Variants in RMND1 observed in about 807,000 individuals in gnomAD.
RMND1 encodes the protein required for meiotic nuclear division 1 homolog.
A neutral mutation model predicts 54.0 loss-of-function variants in RMND1; 41 were observed. That is an observed-to-expected ratio of 0.76 (90% CI 0.59 to 0.98). The LOEUF (loss-of-function observed/expected upper bound fraction) is 0.98. Among genes scored for constraint, RMND1 ranks in the 50% least tolerant of loss-of-function variants. RMND1 has a pLI of 0.00. For missense variants in RMND1, 457 were observed against 532.0 expected (o/e 0.86, Z 1.39); for synonymous variants, 183 against 181.7 (o/e 1.01, Z -0.06).
chr6:151,443,636 T>C lies in RMND1; in HGVS notation c.504+1672A>G, dbSNP rs111289847. On this transcript the variant is annotated intron_variant, in intron 2 of 11. Coordinates refer to ENST00000444024, the MANE Select transcript of RMND1 (RefSeq NM_017909.4). ...AACATCTGATTTTCTATTATTTCCC[T>C]GTGCTTTCAGAAAGACAGCATGCGA... 8.4e-3 allele frequency among the ~76,000 whole-genome samples: 1,272 copies of C among 152,310 alleles called. 19 individuals carry two copies. Among genetic ancestry groups the C allele is most frequent in the African/African-American group, 0.029 (1,191 of 41,560 alleles).
intron 3 of RMND1, among the ~76,000 whole-genome samples, chr6:151,434,709 T>C (rs1780549497): frequency 6.6e-6 from 1 of 152,234 alleles, no homozygotes; most frequent in African/African-American, 2.4e-5. Context: ...TCAACTATCT[T>C]CTATGGGATT....
chr6:151,417,527 T>C (rs1780041019), intron 9 of RMND1, 128 bp from the exon 10 acceptor site: 1 of 666,526 alleles, frequency 1.5e-6, no homozygotes, highest in African/African-American at 1.8e-5. Flanking sequence ...GGTCTTGCTA[T>C]GTTACCCGGG....
At chr6:151,425,839 G>A (rs897353966) in intron 6 of RMND1, among the ~76,000 whole-genome samples, 12 of 152,222 alleles carry the variant, frequency 7.9e-5, no homozygotes, top group Admixed American at 2.0e-4. Flanking sequence ...ACCGTGACTG[G>A]CCCTATTGGT....
At chr6:151,438,795 CT>C (rs373421938) in intron 2 of RMND1, among the ~76,000 whole-genome samples, 238 of 143,852 alleles carry the variant, frequency 1.7e-3, no homozygotes, top group African/African-American at 2.1e-3. Flanking sequence ...ATGTGTACTA[CT>C]TTTTTTTTTT....
intron 1 of RMND1, among the ~76,000 whole-genome samples, chr6:151,450,226 A>C (rs1582975454): frequency 6.8e-6 from 1 of 146,696 alleles, no homozygotes; most frequent in Non-Finnish European, 1.5e-5. Context: ...CCGGCCGCCC[A>C]TCGTCTGAGA....
At chr6:151,432,504 G>A (rs955835473) in intron 4 of RMND1, among the ~76,000 whole-genome samples, 15 of 149,300 alleles carry the variant, frequency 1.0e-4, no homozygotes, top group Non-Finnish European at 1.6e-4. Context: ...GTTCTGTCAC[G>A]TATTAGTCTC....
intron 10 of RMND1, among the ~76,000 whole-genome samples, chr6:151,410,424 G>T (rs1779794897): frequency 6.6e-6 from 1 of 152,060 alleles, no homozygotes; most frequent in Non-Finnish European, 1.5e-5. Flanking sequence ...CTTTTCTTTT[G>T]TATTATGTAT....
chr6:151,449,304 G>C (rs1288354318), intron 1 of RMND1, among the ~76,000 whole-genome samples: 1 of 151,474 alleles, frequency 6.6e-6, no homozygotes, highest in Admixed American at 6.6e-5. Flanking sequence ...GGGAGGTGGA[G>C]GTTGCAGTGA....
chr6:151,451,043 T>G (rs536984296), intron 1 of RMND1, among the ~76,000 whole-genome samples: 27 of 152,206 alleles, frequency 1.8e-4, no homozygotes, highest in South Asian at 1.4e-3. Flanking sequence ...TAATCTCAAG[T>G]ACCCAGGGAC....
intron 3 of RMND1, among the ~76,000 whole-genome samples, chr6:151,435,840 C>A (rs1407296423): frequency 6.6e-6 from 1 of 150,414 alleles, no homozygotes; most frequent in Non-Finnish European, 1.5e-5. Flanking sequence ...TGTGGTGGCT[C>A]AAACCTGTAA....
chr6:151,425,441 T>TGG (rs1491004612), intron 6 of RMND1, among the ~76,000 whole-genome samples: 1 of 150,360 alleles, frequency 6.7e-6, no homozygotes, highest in Non-Finnish European at 1.5e-5. Context: ...TGTGTGTGTG[T>TGG]GGATAAGCGT....
Position 151,405,313 on chromosome 6 carries a change from G to A in RMND1, c.1318-46C>T, listed in dbSNP as rs748051677. On this transcript the variant is annotated intron_variant, in intron 11 of 11. Transcript: ENST00000444024. Reference sequence around the variant, plus strand: ...TTATTTCATGACGGGCAAATTATGGGTACAAACTAAAATGACTTCCAAGAT... The same window carrying A: ...TTATTTCATGACGGGCAAATTATGGATACAAACTAAAATGACTTCCAAGAT... The A allele has an allele frequency of 3.3e-6, 5 of 1,524,710 alleles. No individual in the cohort carries two copies. The South Asian group carries it at 4.5e-5, about 14-fold the overall frequency. The allele number at this position is 1,524,710 out of a possible 1,614,324, so 94.4% of individuals were successfully genotyped here.
intron 2 of RMND1, among the ~76,000 whole-genome samples, chr6:151,439,377 A>G (rs1243910781): frequency 6.6e-6 from 1 of 152,224 alleles, no homozygotes; most frequent in Non-Finnish European, 1.5e-5. Context: ...TACAGCATAA[A>G]AAGCTTATGC....
chr6:151,411,836 A>G (rs1327461069), intron 10 of RMND1: 1 of 152,208 alleles, frequency 6.6e-6, no homozygotes, highest in Non-Finnish European at 1.5e-5. Context: ...CATTAAAGTA[A>G]CTGGTAGTAT....
intron 2 of RMND1, among the ~76,000 whole-genome samples, chr6:151,443,741 C>T (rs115062799): frequency 0.017 from 2,565 of 152,272 alleles, 70 homozygotes; most frequent in African/African-American, 0.059. Flanking sequence ...CATGAAATAA[C>T]TAACTCCTTA....
At chr6:151,412,160 C>T (rs1779861589) in intron 10 of RMND1, among the ~76,000 whole-genome samples, 1 of 152,120 alleles carries the variant, frequency 6.6e-6, no homozygotes, top group Admixed American at 6.5e-5. Context: ...CACCACCATG[C>T]CCAGCTAATT....
At chr6:151,440,553 T>G (rs1424161208) in intron 2 of RMND1, among the ~76,000 whole-genome samples, 2 of 152,214 alleles carry the variant, frequency 1.3e-5, no homozygotes, top group Non-Finnish European at 2.9e-5. Context: ...TGTTGTAGGT[T>G]TTCCAGACTG....
chr6:151,412,788 C>A (rs1201824913), intron 10 of RMND1, among the ~76,000 whole-genome samples: 2 of 152,100 alleles, frequency 1.3e-5, no homozygotes, highest in African/African-American at 4.8e-5. Context: ...GAAGAGCGAA[C>A]AAGGGGAGAT....
chr6:151,412,242 T>G (rs1418621212), intron 10 of RMND1, among the ~76,000 whole-genome samples: 3 of 152,132 alleles, frequency 2.0e-5, no homozygotes, highest in Non-Finnish European at 4.4e-5. Context: ...CCTCAGGTGA[T>G]CCACTCACCT....
Sources: gnomAD v4.1 joint callset for allele counts (sites outside exome capture counted in the v4.1 genomes callset) on GRCh38, gnomAD v4.1.1 for gene constraint, MANE v1.5 for transcripts, NCBI Gene and HGNC (gene_info 2026-07-23, HGNC 2026-07-21) for gene names.